Variants in VIRMA observed in about 807,000 individuals in gnomAD.
VIRMA encodes protein virilizer homolog.
VIRMA carries 65 observed loss-of-function variants against 182.4 expected under a neutral mutation model. That is an observed-to-expected ratio of 0.36 (90% CI 0.29 to 0.44). VIRMA has a LOEUF of 0.44. VIRMA is among the 20% of genes least tolerant of loss of function. The probability of loss-of-function intolerance (pLI) is 1.00; values close to 1 mark genes in which losing one functional copy is unlikely to be tolerated. For synonymous variants in VIRMA, 709 were observed against 743.1 expected, an observed-to-expected ratio of 0.95 and a Z score of 0.75; for missense variants, 1,752 against 2,158.1, an observed-to-expected ratio of 0.81 and a Z score of 3.73.
At chr8:94,537,613 AAG>A (rs1345264727) in intron 3 of VIRMA, among the ~76,000 whole-genome samples, 1 of 152,166 alleles carries the variant, frequency 6.6e-6, no homozygotes, top group African/African-American at 2.4e-5. Flanking sequence ...AATAATAAAT[AAG>A]AGAGGGGTCA....
rs1026026938 is a variant in VIRMA at position 94,526,921 on chromosome 8, T to C, written c.1323A>G (p.Leu441=). The part of the protein sequence containing the change: ...LVDWTMQALN[L]QVALRQPIAL... ...CGATAGGTTGGCGAAGCGCTACTTG[T>C]AAATTTAAAGCTTGCATGGTCCAGT... is the stretch of plus-strand genomic sequence containing the variant. The change falls in exon 8 of 24, where the codon TTA becomes TTG. Residue 441 remains leucine, a synonymous_variant. Transcript: ENST00000297591. The C allele has an allele frequency of 6.2e-7, 1 of 1,614,230 alleles. No homozygotes were observed. Among genetic ancestry groups the C allele is most frequent in the Non-Finnish European group, 8.5e-7 (1 of 1,180,032 alleles).
At chr8:94,494,407 T>C (rs1813700273) in intron 20 of VIRMA, among the ~76,000 whole-genome samples, 1 of 151,594 alleles carries the variant, frequency 6.6e-6, no homozygotes, top group South Asian at 2.1e-4. Flanking sequence ...CTGACCAACA[T>C]GGTAAAACCC....
Position 94,518,976 on chromosome 8 carries a change from G to A in VIRMA, c.2513+9C>T. On this transcript the variant is annotated intron_variant, in intron 9 of 23. Coordinates refer to ENST00000297591, the MANE Select transcript of VIRMA (RefSeq NM_015496.5). ...TCATAGAAAATTTAAGGAGTAAGTAGGAAATTACCCCAAGGCTTCTTTGGA... is the reference window on the plus strand; with the variant it reads ...TCATAGAAAATTTAAGGAGTAAGTAAGAAATTACCCCAAGGCTTCTTTGGA... 6.3e-7 allele frequency: 1 copy of A among 1,579,788 alleles called. No homozygotes were observed. The highest frequency in any genetic ancestry group is 8.6e-7 in the Non-Finnish European group (1 of 1,167,122).
At position 94,506,659 on chromosome 8, in the gene VIRMA, A is replaced by T; in HGVS notation, c.3938T>A (p.Leu1313His). ...TTCTTTATTTGGTAGAGAATTGGAG[A>T]GCTGCTCCAGTTCAGAAATAGAACC... ...SEGSISELEQLSNSLPNKELM... is the reference protein window; with the variant it reads ...SEGSISELEQHSNSLPNKELM... Residue 1313 changes from leucine (L) to histidine (H), a missense_variant, in exon 16 of 24, where the codon CTC becomes CAC. Leu to His is a moderately conservative substitution (Grantham distance 99). This residue lies in a region of VIRMA where 777 missense variants were observed against 920.6 expected (regional missense o/e 0.84). Coordinates refer to ENST00000297591, the MANE Select transcript of VIRMA (RefSeq NM_015496.5). 6.2e-6 allele frequency: 10 copies of T among 1,613,904 alleles called. No homozygotes were observed. The highest frequency in any genetic ancestry group is 8.5e-6 in the Non-Finnish European group (10 of 1,179,870).
At chr8:94,532,494 G>A (rs933830779) in intron 5 of VIRMA, among the ~76,000 whole-genome samples, 4 of 152,172 alleles carry the variant, frequency 2.6e-5, no homozygotes, top group Admixed American at 6.5e-5. Flanking sequence ...ACAAACAAGT[G>A]CGTGTCTATC....
chr8:94,527,324 C>G lies in VIRMA; in HGVS notation c.920G>C (p.Gly307Ala), dbSNP rs546258471. The G allele has an allele frequency of 7.7e-5, 123 of 1,587,906 alleles. No homozygotes were observed. The highest frequency in any genetic ancestry group is 1.0e-4 in the Non-Finnish European group (119 of 1,164,858). ...GYEQISSDED[G>A]IADLERETFK... ...TGTTTCACGTTCCAAGTCAGCAATT[C>G]CATCTTCATCACTGGAAATTTGTTC... Residue 307 changes from glycine to alanine, a missense_variant, in exon 8 of 24, where the codon GGA (glycine) becomes GCA (alanine). Gly to Ala is a moderately conservative substitution (Grantham distance 60). Transcript: ENST00000297591.
intron 16 of VIRMA, among the ~76,000 whole-genome samples, chr8:94,503,801 TAAA>T (rs1034956594): frequency 1.3e-5 from 2 of 151,712 alleles, no homozygotes; most frequent in African/African-American, 2.4e-5. Flanking sequence ...AAAAACTTTT[TAAA>T]AAAGTGTAAC....
Position 94,491,586 on chromosome 8 carries a change from G to A in VIRMA, c.5132C>T (p.Ala1711Val), listed in dbSNP as rs568758321. 8.4e-5 allele frequency: 135 copies of A among 1,610,256 alleles called. 2 individuals are homozygous for A. In the South Asian group the frequency reaches 1.4e-3, roughly 17 times the overall value. ...HSQNRFFTPP[A>V]SKGNYSRREG... ...ACATACTAATTAGTTACCTTTTGAAGCAGGTGGTGTGAAAAACCTATTCTG... is the reference window on the plus strand; with the variant it reads ...ACATACTAATTAGTTACCTTTTGAAACAGGTGGTGTGAAAAACCTATTCTG... The change falls in exon 22 of 24, where the codon GCT (alanine) becomes GTT (valine). Residue 1711 changes from alanine (A) to valine (V), a missense_variant. Transcript: ENST00000297591.
chr8:94,519,422 T>C lies in VIRMA; in HGVS notation c.2076A>G (p.Pro692=). The part of the protein sequence containing the change: ...LELVTLLLSI[P]VTSAHPGVLQ... ...GCACACCAGGGTGAGCACTTGTTAC[T>C]GGAATTGACAGAAGCAAGGTAACCA... Residue 692 remains proline, a synonymous_variant, in exon 9 of 24, where the codon CCA becomes CCG. Coordinates refer to ENST00000297591, the MANE Select transcript of VIRMA (RefSeq NM_015496.5). 6.5e-7 allele frequency: 1 copy of C among 1,530,558 alleles called. No individual in the cohort carries two copies. The highest frequency in any genetic ancestry group is 8.7e-7 in the Non-Finnish European group (1 of 1,144,408). The allele number at this position is 1,530,558 out of a possible 1,614,324, so 94.8% of individuals were successfully genotyped here.
rs1395020480 is a variant in VIRMA, at chr8:94,488,152, C to A, written c.*554G>T. On this transcript the variant is annotated 3_prime_UTR_variant, in exon 24 of 24. Transcript: ENST00000297591. Reference sequence around the variant, plus strand: ...AATAGCATTATATTCCTTTCTATAACAACATATCTTTACAAAACTGGGTTT... The same window carrying A: ...AATAGCATTATATTCCTTTCTATAAAAACATATCTTTACAAAACTGGGTTT... 3.3e-5 allele frequency: 5 copies of A among 152,242 alleles called. No homozygotes were observed. The highest frequency in any genetic ancestry group is 1.2e-4 in the African/African-American group (5 of 41,430). 9.4% of individuals were successfully genotyped at this position (152,242 alleles called of 1,614,324 possible).
At chr8:94,511,946 T>A in intron 12 of VIRMA, 50 bp downstream of exon 12, 1 of 1,025,240 alleles carries the variant, frequency 9.8e-7, no homozygotes, top group Non-Finnish European at 1.3e-6. Context: ...TAAATGATAT[T>A]TATTCTAGGC....
intron 9 of VIRMA, among the ~76,000 whole-genome samples, chr8:94,518,235 A>C (rs1386043416): frequency 6.6e-6 from 1 of 152,246 alleles, no homozygotes; most frequent in Non-Finnish European, 1.5e-5. Context: ...TTCATTAGTA[A>C]TGAAAGGTTA....
chr8:94,515,663 CG>C (rs1405963042), intron 10 of VIRMA, among the ~76,000 whole-genome samples: 1 of 151,932 alleles, frequency 6.6e-6, no homozygotes, highest in African/African-American at 2.4e-5. Context: ...TGAGCCACCG[CG>C]CCCAGCTTAA....
chr8:94,517,973 A>G (rs1401495194), intron 9 of VIRMA, 31 bp from the exon 10 acceptor site: 3 of 1,561,054 alleles, frequency 1.9e-6, no homozygotes, highest in Non-Finnish European at 2.6e-6. Flanking sequence ...TAAGTTTTGG[A>G]TACAAAAACA....
At chr8:94,537,023 T>A in intron 4 of VIRMA, 80 bp downstream of exon 4, 2 of 931,822 alleles carry the variant, frequency 2.1e-6, no homozygotes, top group Non-Finnish European at 3.5e-6. Flanking sequence ...TCTGCAACAC[T>A]GATTTATGTG....
At chr8:94,501,962 G>A (rs1426723024) in intron 16 of VIRMA, among the ~76,000 whole-genome samples, 1 of 152,146 alleles carries the variant, frequency 6.6e-6, no homozygotes, top group East Asian at 1.9e-4. Context: ...CCAAGGTATA[G>A]TTCAAATCTA....
At chr8:94,543,057 C>A (rs988047681) in intron 2 of VIRMA, among the ~76,000 whole-genome samples, 2 of 151,902 alleles carry the variant, frequency 1.3e-5, no homozygotes, top group South Asian at 4.2e-4. Context: ...TACAGGCATG[C>A]GCCACCATGC....
intron 10 of VIRMA, among the ~76,000 whole-genome samples, chr8:94,517,512 T>C (rs1814602051): frequency 1.3e-5 from 2 of 152,232 alleles, no homozygotes; most frequent in Admixed American, 1.3e-4. Flanking sequence ...CTTGAGTTTG[T>C]CTTTAAACTC....
chr8:94,528,646 G>A (rs1210245203), intron 7 of VIRMA, among the ~76,000 whole-genome samples: 29 of 152,158 alleles, frequency 1.9e-4, no homozygotes, highest in Admixed American at 1.9e-3. Context: ...TAAAAATAAT[G>A]TAGCATTTGC....
Sources: allele counts gnomAD v4.1 joint callset (sites outside exome capture counted in the v4.1 genomes callset), GRCh38; gene constraint gnomAD v4.1.1; regional missense constraint gnomAD v4.1.1; transcripts MANE v1.5; gene names NCBI Gene and HGNC (gene_info 2026-07-23, HGNC 2026-07-21).